The following LRRC37A2 variants were observed in gnomAD, a reference collection of about 807,000 sequenced individuals.
LRRC37A2 encodes the protein leucine-rich repeat-containing protein 37A2.
LRRC37A2 carries 9 observed loss-of-function variants against 68.8 expected under a neutral mutation model. That is an observed-to-expected ratio of 0.13 (90% confidence interval 0.08 to 0.23). The LOEUF is 0.23. Ranked by LOEUF, LRRC37A2 falls within the 10% of genes least tolerant of loss-of-function variation. The pLI is 1.00. For synonymous variants in LRRC37A2, 63 were observed against 367.6 expected, an observed-to-expected ratio of 0.17 and a Z score of 9.48; for missense variants, 168 against 950.4, an observed-to-expected ratio of 0.18 and a Z score of 10.82.
chr17:46,940,915 C>T, the LRRC37A2 span: 4 of 1,337,290 alleles, frequency 3.0e-6, no homozygotes, highest in South Asian at 6.1e-5. Context: ...CTTTCAGTGC[C>T]TGGTGAAAAA....
the LRRC37A2 span, among the ~76,000 whole-genome samples, chr17:46,903,251 A>G: frequency 6.6e-6 from 1 of 151,132 alleles, no homozygotes; most frequent in East Asian, 1.9e-4. Flanking sequence ...ATTGCACTCC[A>G]GCGTGGGCAA....
the LRRC37A2 span, among the ~76,000 whole-genome samples, chr17:46,803,224 T>C: frequency 2.2e-4 from 33 of 152,352 alleles, no homozygotes; most frequent in East Asian, 6.4e-3. Flanking sequence ...CGTCTTTTCC[T>C]GTACTTTCAT....
the LRRC37A2 span, among the ~76,000 whole-genome samples, chr17:46,739,280 A>G: frequency 1.5e-4 from 22 of 150,278 alleles, no homozygotes; most frequent in Admixed American, 1.1e-3. Flanking sequence ...CTGAGGCAGG[A>G]GAATCGCTTG....
chr17:46,839,692 G>A, the LRRC37A2 span, among the ~76,000 whole-genome samples: 5 of 148,266 alleles, frequency 3.4e-5, no homozygotes, highest in Non-Finnish European at 7.4e-5. Flanking sequence ...AGTCCCCCCC[G>A]CCAAGAGGCC....
At chr17:46,769,887 C>A in the LRRC37A2 span, 2 of 1,613,606 alleles carry the variant, frequency 1.2e-6, no homozygotes, top group Non-Finnish European at 1.7e-6. Flanking sequence ...CCGAAGTCAG[C>A]GTCCTCGCTG....
chr17:46,533,799 G>A (rs1307228758), intron 6 of LRRC37A2, among the ~76,000 whole-genome samples: 5 of 93,628 alleles, frequency 5.3e-5, no homozygotes, highest in East Asian at 5.7e-4. Context: ...ACTGCGCCCA[G>A]CCAGTGCTTT....
chr17:46,774,434 TCC>T, the LRRC37A2 span, among the ~76,000 whole-genome samples: 43 of 152,318 alleles, frequency 2.8e-4, no homozygotes, highest in Admixed American at 9.8e-4. Flanking sequence ...GCCCAGAGCC[TCC>T]CAGTATCTCC....
chr17:46,750,134 C>A, the LRRC37A2 span, among the ~76,000 whole-genome samples: 16 of 152,190 alleles, frequency 1.1e-4, no homozygotes, highest in South Asian at 1.4e-3. Flanking sequence ...AGGTGGATCA[C>A]TTGAGGTCAG....
At chr17:46,552,978 C>A (rs1308114313) in intron 11 of LRRC37A2, among the ~76,000 whole-genome samples, 2 of 142,236 alleles carry the variant, frequency 1.4e-5, no homozygotes, top group Admixed American at 7.0e-5. Context: ...TCACTGGAGC[C>A]CAGGAGGTTG....
chr17:47,037,242 G>A, the LRRC37A2 span, among the ~76,000 whole-genome samples: 1 of 151,934 alleles, frequency 6.6e-6, no homozygotes, highest in Non-Finnish European at 1.5e-5. Context: ...GTAAGCCGAG[G>A]TCACGCCATT....
the LRRC37A2 span, among the ~76,000 whole-genome samples, chr17:46,494,873 T>C: frequency 5.3e-5 from 8 of 151,264 alleles, no homozygotes; most frequent in Non-Finnish European, 1.0e-4. Flanking sequence ...CACTAAGTTA[T>C]TGTTGACTCT....
the LRRC37A2 span, among the ~76,000 whole-genome samples, chr17:46,980,613 G>A: frequency 2.7e-5 from 4 of 148,048 alleles, no homozygotes; most frequent in African/African-American, 9.9e-5. Flanking sequence ...ACGAGGTCAG[G>A]AGATCGAGAC....
chr17:46,932,373 G>A, the LRRC37A2 span: 1 of 695,426 alleles, frequency 1.4e-6, no homozygotes, highest in Non-Finnish European at 2.4e-6. Flanking sequence ...CCTAGACAGA[G>A]AATCCCTTTT....
chr17:46,469,627 A>G, the LRRC37A2 span, among the ~76,000 whole-genome samples: 11 of 64,350 alleles, frequency 1.7e-4, no homozygotes, highest in Non-Finnish European at 3.4e-4. Flanking sequence ...TCAGTTGTGT[A>G]TATCTTGTTC....
At chr17:46,757,955 C>T in the LRRC37A2 span, among the ~76,000 whole-genome samples, 1 of 151,500 alleles carries the variant, frequency 6.6e-6, no homozygotes, top group Non-Finnish European at 1.5e-5. Flanking sequence ...GATCACGCCA[C>T]TTGCACTCAG....
At chr17:46,720,878 T>C in the LRRC37A2 span, among the ~76,000 whole-genome samples, 5 of 152,198 alleles carry the variant, frequency 3.3e-5, no homozygotes, top group Admixed American at 6.5e-5. Flanking sequence ...CCTGAGAGCA[T>C]GCTTGTTGTG....
At chr17:46,952,689 A>C in the LRRC37A2 span, 1 of 152,248 alleles carries the variant, frequency 6.6e-6, no homozygotes, top group African/African-American at 2.4e-5. Flanking sequence ...CTGAGAATAA[A>C]GTGATCCGAG....
the LRRC37A2 span, among the ~76,000 whole-genome samples, chr17:46,494,474 G>A: frequency 6.7e-6 from 1 of 149,108 alleles, no homozygotes; most frequent in Non-Finnish European, 1.5e-5. Flanking sequence ...TAGACAATAT[G>A]TAAATGAATG....
At chr17:46,499,336 G>A in the LRRC37A2 span, among the ~76,000 whole-genome samples, 2 of 61,918 alleles carry the variant, frequency 3.2e-5, no homozygotes, top group Non-Finnish European at 8.5e-5. Context: ...AAAAAAAAAA[G>A]GTGGGGGGAC....
Sources: gnomAD v4.1 joint callset for allele counts (sites outside exome capture counted in the v4.1 genomes callset) on GRCh38, gnomAD v4.1.1 for gene constraint, MANE v1.5 for transcripts, NCBI Gene and HGNC (gene_info 2026-07-23, HGNC 2026-07-21) for gene names.